Variants in PTCH1 observed in about 807,000 individuals in gnomAD.
The protein encoded by PTCH1 is protein patched homolog 1.
A neutral mutation model predicts 144.6 loss-of-function variants in PTCH1; 14 were observed. The observed-to-expected ratio is 0.10, with a 90% CI of 0.06 to 0.15. The LOEUF is 0.15. Ranked by LOEUF, PTCH1 falls within the 10% of genes least tolerant of loss-of-function variation. PTCH1 has a pLI of 1.00. For synonymous variants in PTCH1, 833 were observed against 793.6 expected (o/e 1.05, Z -0.83); for missense variants, 1,623 against 1,948.3 (o/e 0.83, Z 3.14).
intron 2 of PTCH1, 84 bp downstream of exon 2, chr9:95,506,323 T>C: frequency 6.8e-7 from 1 of 1,470,986 alleles, no homozygotes; most frequent in Non-Finnish European, 9.3e-7. Context: ...GCAGCCAGGC[T>C]CTAGGTGTGC....
At position 95,509,076 on chromosome 9, in the gene PTCH1, G is replaced by A. The variant is rs953803513; in HGVS notation, c.-715C>T. Among the ~76,000 whole-genome samples the A allele has an allele frequency of 6.6e-6, 1 of 152,008 alleles. No homozygotes were observed. The highest frequency in any genetic ancestry group is 1.5e-5 in the Non-Finnish European group (1 of 67,948). ...CGGACTCTGCTTTCTTGTGCTCCTC[G>A]GCAACCCGCTGGACCATTCTGTCCC... On this transcript the variant is annotated 5_prime_UTR_variant, in exon 1 of 24. Transcript: ENST00000331920.
intron 5 of PTCH1, 68 bp downstream of exon 5, chr9:95,481,881 T>G (rs1371281138): frequency 2.2e-6 from 3 of 1,341,414 alleles, no homozygotes; most frequent in Non-Finnish European, 3.2e-6. Context: ...CAAACAATGA[T>G]AAGCAACATT....
At position 95,447,384 on chromosome 9, in the gene PTCH1, CCT is replaced by C. The variant is rs771819989; in HGVS notation, c.3870_3871del (p.Gly1291ValfsTer33). On this transcript the variant is annotated frameshift_variant, in exon 23 of 24. Transcript: ENST00000331920. LOFTEE classifies it high-confidence loss of function. ...GCCTTGCCGTCCGGGAGGCAGGGAC[CCT>C]GAGTCCAGGTGGGGCTGCTGTCTCG... 2 of 1,612,354 alleles carry C rather than the reference CCT, an allele frequency of 1.2e-6. No homozygotes were observed. The highest frequency in any genetic ancestry group is 1.1e-5 in the South Asian group (1 of 91,016).
At chr9:95,471,301 G>C (rs1220985716) in intron 12 of PTCH1, among the ~76,000 whole-genome samples, 4 of 152,180 alleles carry the variant, frequency 2.6e-5, no homozygotes, top group African/African-American at 9.6e-5. Context: ...CTGAGTTCCG[G>C]AGAGATGTCT....
chr9:95,475,883 G>A, intron 12 of PTCH1, 151 bp downstream of exon 12: 1 of 1,250,070 alleles, frequency 8.0e-7, no homozygotes, highest in Non-Finnish European at 1.1e-6. Flanking sequence ...GCTTAAAGCA[G>A]CATCCACCCA....
At chr9:95,481,825 C>A in intron 5 of PTCH1, 124 bp downstream of exon 5, 2 of 937,760 alleles carry the variant, frequency 2.1e-6, no homozygotes, top group East Asian at 5.3e-5. Context: ...AAAAAATGCA[C>A]ATGGAATTTC....
Position 95,508,546 on chromosome 9 carries a change from G to GCGCTGCTGCCGCTGCGGCCGCGGC in PTCH1, c.-209_-186dup, listed in dbSNP as rs1843939838. 9.9e-7 allele frequency: 1 copy of GCGCTGCTGCCGCTGCGGCCGCGGC among 1,008,996 alleles called. No homozygotes were observed. The highest frequency in any genetic ancestry group is 1.7e-5 in the African/African-American group (1 of 57,624). 62.5% of individuals were successfully genotyped at this position (1,008,996 alleles called of 1,614,324 possible). On this transcript the variant is annotated 5_prime_UTR_variant, in exon 1 of 24. Transcript: ENST00000331920. ...GCCGCTGCTGCTGCTCACACGGCGG[G>GCGCTGCTGCCGCTGCGGCCGCGGC]CGCTGCTGCCGCTGCGGCCGCGGCC...
At chr9:95,453,801 T>C (rs778432897) in intron 19 of PTCH1, among the ~76,000 whole-genome samples, 181 bp from the exon 20 acceptor site, 1 of 152,244 alleles carries the variant, frequency 6.6e-6, no homozygotes, top group Non-Finnish European at 1.5e-5. Flanking sequence ...GACCTCTTCA[T>C]GACACTGGGT....
rs982576277 is a variant in PTCH1, at chr9:95,467,046, T to C, written c.2560+70A>G. 4.0e-6 allele frequency: 6 copies of C among 1,517,574 alleles called. No individual in the cohort carries two copies. In the African/African-American group the frequency reaches 5.6e-5, roughly 14 times the overall value. 94.0% of individuals were successfully genotyped at this position (1,517,574 alleles called of 1,614,324 possible). A position where few individuals can be genotyped will look rare whatever the true frequency, so the allele number is the denominator to read the frequency against. On this transcript the variant is annotated intron_variant, in intron 15 of 23. Coordinates refer to ENST00000331920, the MANE Select transcript of PTCH1 (RefSeq NM_000264.5). ...TTCTAATCTAACGCTCTCATAATCA[T>C]GACAAAGGAACCTGTTGAAGCTGAA... is the stretch of plus-strand genomic sequence containing the variant.
In PTCH1 at chr9:95,489,946, G is replaced by A. The variant is rs35961866; in HGVS notation, c.395-4072C>T. Among the ~76,000 whole-genome samples, 330 of 151,394 alleles carry A rather than the reference G, an allele frequency of 2.2e-3. 2 individuals are homozygous for A. Among genetic ancestry groups the A allele is most frequent in the Admixed American group, 4.9e-3 (74 of 15,222 alleles). ...CTCCCAAGTAGCTGGGACTACAGGCGCCCGCCACCAGGCCTGGCTAATTTT... is the reference window on the plus strand; with the variant it reads ...CTCCCAAGTAGCTGGGACTACAGGCACCCGCCACCAGGCCTGGCTAATTTT... On this transcript the variant is annotated intron_variant, in intron 2 of 23. Transcript: ENST00000331920.
intron 1 of PTCH1, among the ~76,000 whole-genome samples, chr9:95,515,054 C>CT (rs1844304146): frequency 6.6e-6 from 1 of 151,724 alleles, no homozygotes; most frequent in Non-Finnish European, 1.5e-5. Flanking sequence ...AACTTGGGCA[C>CT]TCCATGCACC....
chr9:95,508,440 T>C lies in PTCH1; in HGVS notation c.-79A>G. 1 of 1,032,900 alleles carries C rather than the reference T, an allele frequency of 9.7e-7. No homozygotes were observed. The highest frequency in any genetic ancestry group is 8.7e-5 in the East Asian group (1 of 11,520). 64.0% of individuals were successfully genotyped at this position (1,032,900 alleles called of 1,614,324 possible). On this transcript the variant is annotated 5_prime_UTR_variant, in exon 1 of 24. Coordinates refer to ENST00000331920, the MANE Select transcript of PTCH1 (RefSeq NM_000264.5). Reference sequence around the variant, plus strand: ...GCGCGCTGCTGCCGCTGCTGCGGGCTCCTGGCGCGCCTGGGCGCTCGGCTT... The same window carrying C: ...GCGCGCTGCTGCCGCTGCTGCGGGCCCCTGGCGCGCCTGGGCGCTCGGCTT...
chr9:95,515,140 G>A (rs1844307443), intron 1 of PTCH1, among the ~76,000 whole-genome samples: 2 of 152,162 alleles, frequency 1.3e-5, no homozygotes, highest in Non-Finnish European at 2.9e-5. Flanking sequence ...ATAAAGCATT[G>A]TCTTTCTTTG....
chr9:95,463,684 C>T (rs764247122), intron 15 of PTCH1, among the ~76,000 whole-genome samples: 2 of 152,142 alleles, frequency 1.3e-5, no homozygotes, highest in South Asian at 2.1e-4. Context: ...TGTGGGGTGG[C>T]GCTGGGCATC....
At chr9:95,478,961 A>G in intron 8 of PTCH1, 39 bp downstream of exon 8, 1 of 1,613,850 alleles carries the variant, frequency 6.2e-7, no homozygotes, top group Non-Finnish European at 8.5e-7. Context: ...AGAATTGCAT[A>G]ACCAGCGAGT....
chr9:95,509,612 C>A (rs777627877), upstream of PTCH1, among the ~76,000 whole-genome samples: 10 of 152,184 alleles, frequency 6.6e-5, no homozygotes, highest in Non-Finnish European at 1.5e-4. Flanking sequence ...CACGCGCGCG[C>A]ACGCACACAC....
chr9:95,509,162 G>C lies in PTCH1; in HGVS notation c.-801C>G, dbSNP rs1168767981. Reference sequence around the variant, plus strand: ...GACTCCGCTCTGTGTGTGTGCAGCGGGCAGCGGCCGCAGCAGCTCCTTGAT... The same window carrying C: ...GACTCCGCTCTGTGTGTGTGCAGCGCGCAGCGGCCGCAGCAGCTCCTTGAT... On this transcript the variant is annotated 5_prime_UTR_variant, in exon 1 of 24. Coordinates refer to ENST00000331920, the MANE Select transcript of PTCH1 (RefSeq NM_000264.5). 6.6e-6 allele frequency among the ~76,000 whole-genome samples: 1 copy of C among 151,962 alleles called. No homozygotes were observed. Among genetic ancestry groups the C allele is most frequent in the Admixed American group, 6.5e-5 (1 of 15,274 alleles).
intron 22 of PTCH1, among the ~76,000 whole-genome samples, chr9:95,447,801 C>T (rs897060298): frequency 1.3e-5 from 2 of 152,190 alleles, no homozygotes; most frequent in South Asian, 2.1e-4. Context: ...GCCCCTCTCC[C>T]GAAGTTGCTA....
intron 2 of PTCH1, among the ~76,000 whole-genome samples, chr9:95,493,324 C>T (rs1181331825): frequency 6.6e-6 from 1 of 152,216 alleles, no homozygotes; most frequent in African/African-American, 2.4e-5. Context: ...TAAAGATGAT[C>T]TGAGGGACCA....
Sources: gnomAD v4.1 joint callset for allele counts (sites outside exome capture counted in the v4.1 genomes callset) on GRCh38, gnomAD v4.1.1 for gene constraint, MANE v1.5 for transcripts, NCBI Gene and HGNC (gene_info 2026-07-23, HGNC 2026-07-21) for gene names.